Variants in SLC7A8 observed in about 807,000 individuals in gnomAD.
SLC7A8 encodes large neutral amino acids transporter small subunit 2.
SLC7A8 carries 30 observed loss-of-function variants against 51.2 expected under a neutral mutation model. The observed-to-expected ratio is 0.59, with a 90% CI of 0.44 to 0.80. The LOEUF is 0.80. Ranked by LOEUF, SLC7A8 falls within the 30% of genes least tolerant of loss-of-function variation. The pLI is 0.00. For synonymous variants in SLC7A8, 257 were observed against 275.8 expected (o/e 0.93, Z 0.67); for missense variants, 612 against 674.4 (o/e 0.91, Z 1.03).
At chr14:23,129,956 GTTACAACATCT>G in intron 8 of SLC7A8, 157 bp from the exon 9 acceptor site, 1 of 706,364 alleles carries the variant, frequency 1.4e-6, no homozygotes, top group African/African-American at 1.8e-5. Flanking sequence ...AACCCAATAT[GTTACAACATCT>G]TTATTGCTAG....
rs754727261 is a variant in SLC7A8 at position 23,129,732 on chromosome 14, A to G, written c.1181T>C (p.Ile394Thr). Residue 394 changes from isoleucine to threonine, a missense_variant, in exon 9 of 11, where the codon ATC becomes ACC. By Grantham distance (89) the Ile-to-Thr change is moderately conservative. Coordinates refer to ENST00000316902, the MANE Select transcript of SLC7A8 (RefSeq NM_012244.4). The stretch of plus-strand genomic sequence containing the variant: ...CGTGACCCCATAGAAGAGGTAGTTG[A>G]TGAAGCCCACATAGTTGATGAGTGT... ...MYTLINYVGF[I>T]NYLFYGVTVA... 6.2e-7 allele frequency: 1 copy of G among 1,614,214 alleles called. No homozygotes were observed. The highest frequency in any genetic ancestry group is 8.5e-7 in the Non-Finnish European group (1 of 1,180,032).
Position 23,183,037 on chromosome 14 carries a change from C to T in SLC7A8, c.-123G>A. 8.5e-7 allele frequency: 1 copy of T among 1,180,812 alleles called. No individual in the cohort carries two copies. Among genetic ancestry groups the T allele is most frequent in the East Asian group, 2.8e-5 (1 of 35,106 alleles). The allele number at this position is 1,180,812 out of a possible 1,614,324, so 73.1% of individuals were successfully genotyped here. On this transcript the variant is annotated 5_prime_UTR_variant, in exon 1 of 11. Coordinates refer to ENST00000316902, the MANE Select transcript of SLC7A8 (RefSeq NM_012244.4). ...TTCCGAAATAGGAACCACTGCTACT[C>T]TCTAAAAAAGGCAAGCAGATAAAAG...
chr14:23,175,429 G>C (rs2048994756), intron 1 of SLC7A8, among the ~76,000 whole-genome samples: 1 of 152,126 alleles, frequency 6.6e-6, no homozygotes, highest in South Asian at 2.1e-4. Flanking sequence ...GGCTGGTCCC[G>C]AGCTCCTGAC....
chr14:23,168,884 A>G (rs771583762), intron 1 of SLC7A8, among the ~76,000 whole-genome samples: 1 of 152,212 alleles, frequency 6.6e-6, no homozygotes, highest in Non-Finnish European at 1.5e-5. Context: ...ATGCAACACT[A>G]ACTGCCCACT....
intron 7 of SLC7A8, among the ~76,000 whole-genome samples, chr14:23,133,458 A>G (rs2048659581): frequency 6.6e-6 from 1 of 151,722 alleles, no homozygotes; most frequent in Admixed American, 6.6e-5. Context: ...AAAAAAAAAA[A>G]AAAGAGAAAG....
At chr14:23,159,539 G>A (rs2048910706) in intron 3 of SLC7A8, among the ~76,000 whole-genome samples, 1 of 152,250 alleles carries the variant, frequency 6.6e-6, no homozygotes, top group South Asian at 2.1e-4. Context: ...GAAGGAAAAT[G>A]TTTAGTGTCT....
chr14:23,127,222 G>A lies in SLC7A8; in HGVS notation c.1563C>T (p.Pro521=). 1 of 1,614,112 alleles carries A rather than the reference G, an allele frequency of 6.2e-7. No homozygotes were observed. The highest frequency in any genetic ancestry group is 1.1e-5 in the South Asian group (1 of 91,084). ...MEEQQQPMYQ[P]TPTKDKDVAG... is the part of the protein sequence containing the mutation. ...CCACGTCCTTGTCCTTCGTGGGAGT[G>A]GGTTGGTACATGGGCTGCTGCTGCT... Residue 521 remains proline, a synonymous_variant, in exon 11 of 11, where the codon CCC becomes CCT. Transcript: ENST00000316902.
chr14:23,159,827 T>A (rs2048912481), intron 3 of SLC7A8, among the ~76,000 whole-genome samples: 1 of 152,198 alleles, frequency 6.6e-6, no homozygotes, highest in Admixed American at 6.5e-5. Context: ...AGAAGAGCTA[T>A]CTGAAGCCCT....
At chr14:23,130,584 A>AAAAAC (rs141620731) in intron 8 of SLC7A8, among the ~76,000 whole-genome samples, 5 of 152,152 alleles carry the variant, frequency 3.3e-5, no homozygotes, top group African/African-American at 4.8e-5. Context: ...TCTAACTGGA[A>AAAAAC]AAAACAAAAC....
chr14:23,159,267 A>G (rs1004667504), intron 3 of SLC7A8, among the ~76,000 whole-genome samples: 13 of 152,184 alleles, frequency 8.5e-5, no homozygotes, highest in African/African-American at 3.1e-4. Context: ...AATAATTTTC[A>G]TCTTAATGCA....
intron 1 of SLC7A8, among the ~76,000 whole-genome samples, chr14:23,175,123 C>T (rs966395757): frequency 1.3e-5 from 2 of 152,194 alleles, no homozygotes; most frequent in African/African-American, 4.8e-5. Flanking sequence ...ACCTCTACCC[C>T]ACTTCAATAA....
chr14:23,166,137 C>T (rs2048948585), intron 2 of SLC7A8, among the ~76,000 whole-genome samples, 199 bp downstream of exon 2: 1 of 151,578 alleles, frequency 6.6e-6, no homozygotes, highest in Non-Finnish European at 1.5e-5. Context: ...GGTCCTCCAT[C>T]ATTATCGGGA....
intron 3 of SLC7A8, among the ~76,000 whole-genome samples, chr14:23,162,067 C>G (rs1447791725): frequency 6.7e-6 from 1 of 149,390 alleles, no homozygotes; most frequent in South Asian, 2.1e-4. Context: ...ATTTGAGGGG[C>G]CTATAGAAGT....
At chr14:23,138,585 A>G (rs1257379354) in intron 6 of SLC7A8, among the ~76,000 whole-genome samples, 1 of 152,232 alleles carries the variant, frequency 6.6e-6, no homozygotes, top group Non-Finnish European at 1.5e-5. Flanking sequence ...GAATTTCTCA[A>G]TTCATCAAAA....
intron 1 of SLC7A8, 53 bp from the exon 2 acceptor site, chr14:23,166,593 G>T: frequency 6.3e-7 from 1 of 1,586,918 alleles, no homozygotes; most frequent in Non-Finnish European, 8.6e-7. Flanking sequence ...AGGACGGTTG[G>T]CAGGATTGGC....
intron 1 of SLC7A8, among the ~76,000 whole-genome samples, chr14:23,175,509 G>A (rs529110985): frequency 2.0e-5 from 3 of 152,052 alleles, no homozygotes; most frequent in Admixed American, 6.6e-5. Context: ...GCACCCGGCC[G>A]GTACAGGGTG....
chr14:23,174,957 C>T (rs2048992227), intron 1 of SLC7A8, among the ~76,000 whole-genome samples: 1 of 152,188 alleles, frequency 6.6e-6, no homozygotes, highest in South Asian at 2.1e-4. Flanking sequence ...GCCTGCTTTT[C>T]TAGATCCATC....
chr14:23,131,409 A>C (rs1249124069), intron 8 of SLC7A8, 52 bp downstream of exon 8: 2 of 1,428,426 alleles, frequency 1.4e-6, no homozygotes, highest in Admixed American at 4.5e-5. Flanking sequence ...AGCTTAGACT[A>C]GGCACAAAGA....
At chr14:23,155,371 T>C (rs1566368095) in intron 3 of SLC7A8, 1 of 1,508,670 alleles carries the variant, frequency 6.6e-7, no homozygotes, top group Admixed American at 2.1e-5. Flanking sequence ...CCTCCCCTCC[T>C]CCCTTCCTGG....
Sources: allele counts gnomAD v4.1 joint callset (sites outside exome capture counted in the v4.1 genomes callset), GRCh38; gene constraint gnomAD v4.1.1; transcripts MANE v1.5; gene names NCBI Gene and HGNC (gene_info 2026-07-23, HGNC 2026-07-21).